The following KHDRBS2 variants were observed in gnomAD, a reference collection of about 807,000 sequenced individuals.
KHDRBS2 encodes KH domain-containing, RNA-binding, signal transduction-associated protein 2.
Under a neutral mutation model 44.3 loss-of-function variants are expected in KHDRBS2, and 26 were observed. The ratio of observed to expected loss-of-function variants is 0.59; its 90% CI spans 0.43 to 0.81. KHDRBS2 has a LOEUF of 0.81. Ranked by LOEUF, KHDRBS2 falls within the 40% of genes least tolerant of loss-of-function variation. The pLI, the probability that KHDRBS2 is intolerant of heterozygous loss-of-function variation, is 0.00. For synonymous variants in KHDRBS2, 194 were observed against 151.1 expected, an observed-to-expected ratio of 1.28 and a Z score of -2.08; for missense variants, 476 against 433.1, an observed-to-expected ratio of 1.10 and a Z score of -0.88.
chr6:62,166,391 A>G (rs1818699031), intron 2 of KHDRBS2, among the ~76,000 whole-genome samples: 1 of 152,032 alleles, frequency 6.6e-6, no homozygotes, highest in Non-Finnish European at 1.5e-5. Context: ...AAACCCATAT[A>G]TTTTTAAGAA....
At chr6:61,900,620 A>G (rs1241517981) in intron 5 of KHDRBS2, among the ~76,000 whole-genome samples, 3 of 152,186 alleles carry the variant, frequency 2.0e-5, no homozygotes, top group Non-Finnish European at 4.4e-5. Context: ...GATCACCAAG[A>G]AGAGCTACAA....
rs963910840 is a variant in KHDRBS2 at position 62,043,013 on chromosome 6, G to A, written c.336+4865C>T. On this transcript the variant is annotated intron_variant, in intron 3 of 8. Coordinates refer to ENST00000281156, the MANE Select transcript of KHDRBS2 (RefSeq NM_152688.4). ...ATTTGTTCACAACATGTCCATTTGT[G>A]ATTTCCATTTAAGGACAATAGGTGA... 5.9e-5 allele frequency among the ~76,000 whole-genome samples: 9 copies of A among 152,024 alleles called. No individual in the cohort carries two copies. The South Asian group carries it at 1.4e-3, about 24-fold the overall frequency.
At chr6:62,194,937 A>T (rs1825376290) in intron 1 of KHDRBS2, among the ~76,000 whole-genome samples, 1 of 152,000 alleles carries the variant, frequency 6.6e-6, no homozygotes, top group Non-Finnish European at 1.5e-5. Context: ...TTCCATATGA[A>T]TTTTTAGATT....
At chr6:61,665,115 G>T in the KHDRBS2 span, among the ~76,000 whole-genome samples, 40 of 151,416 alleles carry the variant, frequency 2.6e-4, no homozygotes, top group Middle Eastern at 3.5e-3. Flanking sequence ...TAAAGGAGTT[G>T]AATTATAAAT....
intron 6 of KHDRBS2, among the ~76,000 whole-genome samples, chr6:61,741,113 G>A (rs1263934411): frequency 4.0e-5 from 6 of 151,726 alleles, no homozygotes; most frequent in Non-Finnish European, 7.4e-5. Context: ...TTCTTGAAAG[G>A]CCTTATTAAA....
At chr6:62,073,440 T>TG (rs1214162210) in intron 2 of KHDRBS2, among the ~76,000 whole-genome samples, 5 of 151,582 alleles carry the variant, frequency 3.3e-5, no homozygotes, top group Non-Finnish European at 7.4e-5. Flanking sequence ...AGTTTTGTTT[T>TG]GTCTCTTTTT....
chr6:62,250,581 T>C (rs1471061887), intron 1 of KHDRBS2, among the ~76,000 whole-genome samples: 4 of 151,976 alleles, frequency 2.6e-5, no homozygotes, highest in African/African-American at 9.7e-5. Flanking sequence ...GAGCCCTTGC[T>C]TTTAGCAAAA....
At chr6:61,725,275 C>G (rs1266249450) in intron 7 of KHDRBS2, among the ~76,000 whole-genome samples, 2 of 152,108 alleles carry the variant, frequency 1.3e-5, no homozygotes, top group Non-Finnish European at 2.9e-5. Context: ...GTACCAGAAA[C>G]TCTGGGACAC....
chr6:61,745,074 C>T (rs1403338811), intron 6 of KHDRBS2, among the ~76,000 whole-genome samples: 1 of 152,102 alleles, frequency 6.6e-6, no homozygotes, highest in Non-Finnish European at 1.5e-5. Flanking sequence ...TCATGAACAG[C>T]TGCATTTCCT....
At chr6:62,265,594 C>G (rs1049289169) in intron 1 of KHDRBS2, among the ~76,000 whole-genome samples, 7 of 151,936 alleles carry the variant, frequency 4.6e-5, no homozygotes, top group African/African-American at 1.7e-4. Context: ...GTTATATTTT[C>G]AAATACATTT....
At position 62,191,222 on chromosome 6, in the gene KHDRBS2, A is replaced by C. The variant is rs72870752; in HGVS notation, c.92-13910T>G. ...TTATCTGGTCACTAAAAATTGATCA[A>C]CCGTTCTAGTCTTATTGCTCACCAC... On this transcript the variant is annotated intron_variant, in intron 1 of 8. Coordinates refer to ENST00000281156, the MANE Select transcript of KHDRBS2 (RefSeq NM_152688.4). 1.0e-3 allele frequency among the ~76,000 whole-genome samples: 157 copies of C among 152,214 alleles called. 1 individual carries two copies. The highest frequency in any genetic ancestry group is 6.8e-3 in the Middle Eastern group (2 of 294).
chr6:62,079,380 G>A (rs190031817), intron 2 of KHDRBS2, among the ~76,000 whole-genome samples: 1 of 151,922 alleles, frequency 6.6e-6, no homozygotes, highest in Non-Finnish European at 1.5e-5. Context: ...CAGCTACTAT[G>A]TATGTAGCAT....
chr6:61,714,596 T>C (rs2127552300), intron 7 of KHDRBS2, among the ~76,000 whole-genome samples: 1 of 151,980 alleles, frequency 6.6e-6, no homozygotes, highest in South Asian at 2.1e-4. Flanking sequence ...ATACCTGCAC[T>C]CATATGTTTA....
At chr6:61,705,645 A>G (rs1471165569) in intron 7 of KHDRBS2, among the ~76,000 whole-genome samples, 1 of 151,832 alleles carries the variant, frequency 6.6e-6, no homozygotes, top group Non-Finnish European at 1.5e-5. Flanking sequence ...TATTTACAGT[A>G]TGATCTTGAG....
intron 6 of KHDRBS2, among the ~76,000 whole-genome samples, chr6:61,760,309 G>T (rs777468782): frequency 1.7e-4 from 26 of 152,138 alleles, no homozygotes; most frequent in Non-Finnish European, 3.5e-4. Flanking sequence ...AAACCAATTA[G>T]AGCTTTAGAG....
At chr6:61,914,680 T>C (rs960915491) in intron 4 of KHDRBS2, among the ~76,000 whole-genome samples, 1 of 152,128 alleles carries the variant, frequency 6.6e-6, no homozygotes, top group Non-Finnish European at 1.5e-5. Context: ...TTAAAAAGCA[T>C]TTCTAAACAA....
At chr6:61,596,697 G>C in the KHDRBS2 span, among the ~76,000 whole-genome samples, 1 of 151,962 alleles carries the variant, frequency 6.6e-6, no homozygotes, top group African/African-American at 2.4e-5. Context: ...CTGTCACCAG[G>C]CTGGAGTACA....
At chr6:62,036,471 CT>C (rs1301229255) in intron 3 of KHDRBS2, among the ~76,000 whole-genome samples, 1 of 151,896 alleles carries the variant, frequency 6.6e-6, no homozygotes, top group African/African-American at 2.4e-5. Flanking sequence ...ACAAAATAAT[CT>C]GTACACCAGA....
chr6:61,831,950 A>G (rs1791891680), intron 6 of KHDRBS2, among the ~76,000 whole-genome samples: 2 of 152,178 alleles, frequency 1.3e-5, no homozygotes, highest in African/African-American at 2.4e-5. Flanking sequence ...ATAAAAAAGG[A>G]AAGTATTTTT....
Sources: allele counts gnomAD v4.1 joint callset (sites outside exome capture counted in the v4.1 genomes callset), GRCh38; gene constraint gnomAD v4.1.1; transcripts MANE v1.5; gene names NCBI Gene and HGNC (gene_info 2026-07-23, HGNC 2026-07-21).